Variants in LRRTM4 observed in about 807,000 individuals in gnomAD.
LRRTM4 encodes the protein leucine rich repeat transmembrane neuronal 4, also known as leucine-rich repeat transmembrane neuronal protein 4.
A neutral mutation model predicts 47.6 loss-of-function variants in LRRTM4; 25 were observed. The observed-to-expected ratio is 0.53, with a 90% CI of 0.38 to 0.73. LRRTM4 has a LOEUF of 0.73. Among genes scored for constraint, LRRTM4 ranks in the 30% least tolerant of loss-of-function variants. LRRTM4 has a pLI of 0.00. For synonymous variants in LRRTM4, 311 were observed against 269.5 expected (o/e 1.15, Z -1.51); for missense variants, 638 against 713.4 (o/e 0.89, Z 1.20).
intron 3 of LRRTM4, among the ~76,000 whole-genome samples, chr2:76,916,175 A>C (rs1674237636): frequency 6.6e-6 from 1 of 152,082 alleles, no homozygotes; most frequent in Admixed American, 6.6e-5. Context: ...GTAATACTTT[A>C]AACAAAGTAG....
At chr2:77,502,493 G>A (rs72813106) in intron 3 of LRRTM4, among the ~76,000 whole-genome samples, 27,937 of 151,314 alleles carry the variant, frequency 0.18, 2,984 homozygotes, top group Non-Finnish European at 0.25. Flanking sequence ...TTATAAAGAA[G>A]ATTTTCAAAG....
chr2:77,475,359 A>G (rs924163857), intron 3 of LRRTM4, among the ~76,000 whole-genome samples: 4 of 152,128 alleles, frequency 2.6e-5, no homozygotes, highest in African/African-American at 9.6e-5. Context: ...TTGTACAGAT[A>G]GATAGCCAGC....
chr2:77,114,709 C>T (rs185439032), intron 3 of LRRTM4, among the ~76,000 whole-genome samples: 12 of 152,148 alleles, frequency 7.9e-5, no homozygotes, highest in Admixed American at 5.9e-4. Context: ...GCTGGGCCTC[C>T]GGGGGTGTCA....
At chr2:77,182,380 C>T (rs1440440850) in intron 3 of LRRTM4, among the ~76,000 whole-genome samples, 1 of 151,932 alleles carries the variant, frequency 6.6e-6, no homozygotes, top group Non-Finnish European at 1.5e-5. Flanking sequence ...ACAATGAGAA[C>T]ACATGGACAC....
chr2:77,088,046 T>C (rs1303765981), intron 3 of LRRTM4, among the ~76,000 whole-genome samples: 2 of 152,130 alleles, frequency 1.3e-5, no homozygotes, highest in African/African-American at 4.8e-5. Context: ...TACAAGTAAG[T>C]GTGCTGAATG....
At chr2:77,210,639 A>G (rs1674265530) in intron 3 of LRRTM4, among the ~76,000 whole-genome samples, 1 of 152,132 alleles carries the variant, frequency 6.6e-6, no homozygotes, top group African/African-American at 2.4e-5. Context: ...TGGTGGAAAT[A>G]AAGCTCCAAT....
chr2:77,091,344 C>T (rs1558575388), intron 3 of LRRTM4, among the ~76,000 whole-genome samples: 1 of 142,194 alleles, frequency 7.0e-6, no homozygotes, highest in South Asian at 2.2e-4. Flanking sequence ...ATCACCCTTA[C>T]CCCACTCAAC....
intron 3 of LRRTM4, among the ~76,000 whole-genome samples, chr2:76,926,989 G>A (rs1674609290): frequency 6.6e-6 from 1 of 152,126 alleles, no homozygotes; most frequent in South Asian, 2.1e-4. Flanking sequence ...GGTGAATGAG[G>A]ACATAATATT....
intron 3 of LRRTM4, among the ~76,000 whole-genome samples, chr2:76,814,336 A>T (rs2103834035): frequency 6.6e-6 from 1 of 152,294 alleles, no homozygotes; most frequent in East Asian, 1.9e-4. Flanking sequence ...AAAGAAGTTT[A>T]CAAAGTAAAA....
At chr2:76,905,203 G>A (rs1673784349) in intron 3 of LRRTM4, among the ~76,000 whole-genome samples, 2 of 152,148 alleles carry the variant, frequency 1.3e-5, no homozygotes, top group Admixed American at 6.5e-5. Flanking sequence ...AAAAACCACT[G>A]TTCTGCAGAC....
intron 3 of LRRTM4, among the ~76,000 whole-genome samples, chr2:77,216,250 G>T (rs1273837194): frequency 1.3e-5 from 2 of 152,140 alleles, no homozygotes; most frequent in Non-Finnish European, 2.9e-5. Context: ...GGTAAACTTG[G>T]TTGCAAAGCC....
At chr2:76,799,686 T>C (rs1675550461) in intron 3 of LRRTM4, among the ~76,000 whole-genome samples, 2 of 131,792 alleles carry the variant, frequency 1.5e-5, no homozygotes, top group Admixed American at 1.5e-4. Flanking sequence ...ATGACATGAT[T>C]GTATATCTAG....
intron 3 of LRRTM4, among the ~76,000 whole-genome samples, chr2:77,193,002 A>T (rs1673715327): frequency 6.6e-6 from 1 of 152,172 alleles, no homozygotes; most frequent in Admixed American, 6.5e-5. Context: ...GTCAAGGAAA[A>T]ATCACATATC....
At chr2:77,460,824 C>G (rs1469046857) in intron 3 of LRRTM4, among the ~76,000 whole-genome samples, 1 of 152,046 alleles carries the variant, frequency 6.6e-6, no homozygotes, top group Admixed American at 6.6e-5. Flanking sequence ...TTGCATTGCT[C>G]TCACCCCAGT....
chr2:77,508,809 C>T (rs1678870746), intron 3 of LRRTM4, among the ~76,000 whole-genome samples: 1 of 152,068 alleles, frequency 6.6e-6, no homozygotes, highest in Non-Finnish European at 1.5e-5. Context: ...CATATATATG[C>T]AGTAGAGCAA....
In LRRTM4 at chr2:76,996,160, T is replaced by A. The variant is rs77840976; in HGVS notation, c.1552-247244A>T. Among the ~76,000 whole-genome samples the A allele has an allele frequency of 3.1e-3, 471 of 152,092 alleles. 4 individuals carry two copies. The highest frequency in any genetic ancestry group is 0.011 in the African/African-American group (442 of 41,526). On this transcript the variant is annotated intron_variant, in intron 3 of 3. Coordinates refer to ENST00000409884, the MANE Select transcript of LRRTM4 (RefSeq NM_001134745.3). ...GAAATTCTGAAAATTAAACATGTTA[T>A]CATAAACAAGCAATAGATGTAATAT...
rs1672724597 is a variant in LRRTM4 at position 76,748,563 on chromosome 2, C to T, written c.*132G>A. ...CAGTTTTTTTTTCTCTTTTTCTTTT[C>T]TCTATGCCATAAATGTTTTAACAGG... is the stretch of plus-strand genomic sequence containing the variant. On this transcript the variant is annotated 3_prime_UTR_variant, in exon 4 of 4. Coordinates refer to ENST00000409884, the MANE Select transcript of LRRTM4 (RefSeq NM_001134745.3). The T allele has an allele frequency of 2.8e-5, 20 of 726,840 alleles. No homozygotes were observed. Among genetic ancestry groups the T allele is most frequent in the South Asian group, 2.2e-4 (12 of 53,730 alleles). 45.0% of individuals were successfully genotyped at this position (726,840 alleles called of 1,614,324 possible).
chr2:76,943,537 A>G (rs1278640126), intron 3 of LRRTM4, among the ~76,000 whole-genome samples: 1 of 152,250 alleles, frequency 6.6e-6, no homozygotes, highest in African/African-American at 2.4e-5. Flanking sequence ...TTATTGTGCC[A>G]TAAAGAGTTG....
intron 3 of LRRTM4, among the ~76,000 whole-genome samples, chr2:76,839,528 A>C (rs1671611912): frequency 6.6e-6 from 1 of 152,106 alleles, no homozygotes; most frequent in Non-Finnish European, 1.5e-5. Flanking sequence ...AAATCTATTA[A>C]GCCTCAGTTG....
Sources: allele counts gnomAD v4.1 joint callset (sites outside exome capture counted in the v4.1 genomes callset), GRCh38; gene constraint gnomAD v4.1.1; transcripts MANE v1.5; gene names NCBI Gene and HGNC (gene_info 2026-07-23, HGNC 2026-07-21).